The following TRIO variants were observed in gnomAD, a reference collection of about 807,000 sequenced individuals.
TRIO encodes the protein trio Rho guanine nucleotide exchange factor.
Under a neutral mutation model 351.9 loss-of-function variants are expected in TRIO, and 58 were observed. That is an observed-to-expected ratio of 0.16 (90% confidence interval 0.13 to 0.21). TRIO has a LOEUF of 0.21. Ranked by LOEUF, TRIO falls within the 10% of genes least tolerant of loss-of-function variation. The pLI, the probability that TRIO is intolerant of heterozygous loss-of-function variation, is 1.00. For synonymous variants in TRIO, 1,758 were observed against 1,595.7 expected (o/e 1.10, Z -2.42); for missense variants, 3,201 against 4,027.8 (o/e 0.79, Z 5.56).
intron 5 of TRIO, 61 bp from the exon 6 acceptor site, chr5:14,292,951 G>A (rs1561301181): frequency 2.5e-6 from 4 of 1,610,062 alleles, no homozygotes; most frequent in Non-Finnish European, 3.4e-6. Context: ...CCCATCTGTG[G>A]GCTTGTGTCA....
intron 1 of TRIO, among the ~76,000 whole-genome samples, chr5:14,157,443 C>A (rs932732078): frequency 1.3e-5 from 2 of 148,910 alleles, no homozygotes; most frequent in Non-Finnish European, 1.5e-5. Flanking sequence ...CCCTGTCTCC[C>A]TCTCTCTCCC....
intron 34 of TRIO, among the ~76,000 whole-genome samples, chr5:14,442,683 C>T (rs1054898099): frequency 1.1e-4 from 17 of 152,164 alleles, no homozygotes; most frequent in Non-Finnish European, 1.8e-4. Flanking sequence ...GTAGGTCCCT[C>T]GGGGACCCTG....
intron 1 of TRIO, among the ~76,000 whole-genome samples, chr5:14,194,331 T>C (rs949984320): frequency 5.3e-5 from 8 of 152,250 alleles, no homozygotes; most frequent in Admixed American, 5.2e-4. Flanking sequence ...GTAAAGTTTT[T>C]AAATGGAAAT....
intron 1 of TRIO, among the ~76,000 whole-genome samples, chr5:14,239,796 A>G (rs1794017554): frequency 6.6e-6 from 1 of 152,224 alleles, no homozygotes; most frequent in African/African-American, 2.4e-5. Flanking sequence ...TCAGCAATGA[A>G]GAATGGGTAG....
chr5:14,277,848 A>G (rs1735678933), intron 2 of TRIO, among the ~76,000 whole-genome samples: 1 of 152,218 alleles, frequency 6.6e-6, no homozygotes, highest in Non-Finnish European at 1.5e-5. Context: ...TTTTTTCTTC[A>G]TACCTCCCTG....
intron 1 of TRIO, among the ~76,000 whole-genome samples, chr5:14,148,085 T>C (rs1049360602): frequency 6.6e-6 from 1 of 152,202 alleles, no homozygotes; most frequent in Non-Finnish European, 1.5e-5. Flanking sequence ...AACCGACATA[T>C]TGATGTGGGA....
chr5:14,369,596 C>T (rs958898437), intron 18 of TRIO, 73 bp downstream of exon 18: 17 of 1,500,332 alleles, frequency 1.1e-5, no homozygotes, highest in South Asian at 2.7e-5. Context: ...GCACAGTCAT[C>T]GCTTCCCAAG....
intron 14 of TRIO, 63 bp downstream of exon 14, chr5:14,363,990 T>G: frequency 6.6e-7 from 1 of 1,525,422 alleles, no homozygotes; most frequent in Non-Finnish European, 8.9e-7. Context: ...GCAATTCGGC[T>G]TATTTCAGTG....
At chr5:14,450,867 T>G (rs1361053538) in intron 34 of TRIO, among the ~76,000 whole-genome samples, 1 of 152,122 alleles carries the variant, frequency 6.6e-6, no homozygotes, top group African/African-American at 2.4e-5. Context: ...CTAAATCTGG[T>G]GTTTCAACCC....
intron 34 of TRIO, among the ~76,000 whole-genome samples, chr5:14,428,852 T>A (rs1303031049): frequency 6.6e-6 from 1 of 151,980 alleles, no homozygotes; most frequent in East Asian, 1.9e-4. Context: ...GAGGAGCTCG[T>A]GGGAAAAATG....
intron 41 of TRIO, among the ~76,000 whole-genome samples, chr5:14,477,774 T>C (rs1755197196): frequency 1.3e-5 from 2 of 152,220 alleles, no homozygotes; most frequent in Admixed American, 1.3e-4. Flanking sequence ...CACTGGAAGA[T>C]ACCAGGTCAC....
chr5:14,438,677 G>C (rs1260202137), intron 34 of TRIO, among the ~76,000 whole-genome samples: 1 of 152,220 alleles, frequency 6.6e-6, no homozygotes, highest in Non-Finnish European at 1.5e-5. Context: ...AATAGGCCTT[G>C]GCGTCAAAAC....
chr5:14,499,572 G>A (rs919860825), intron 53 of TRIO, among the ~76,000 whole-genome samples: 10 of 152,286 alleles, frequency 6.6e-5, no homozygotes, highest in African/African-American at 2.4e-4. Context: ...TTAATTTCCT[G>A]TTTTTAACAA....
rs1337661806 is a variant in TRIO, at chr5:14,387,524, A to G, written c.3657A>G (p.Lys1219=). 1 of 1,614,254 alleles carries G rather than the reference A, an allele frequency of 6.2e-7. No homozygotes were observed. The highest frequency in any genetic ancestry group is 8.5e-7 in the Non-Finnish European group (1 of 1,180,032). The stretch of plus-strand genomic sequence containing the variant: ...ATGCCCATGCGGCAGAGATAAAAAA[A>G]TGTGTTACTGCTGTGGATAAGAGGT... The part of the protein sequence containing the change: ...KGHAHAAEIK[K]CVTAVDKRYR... The change falls in exon 22 of 57, where the codon AAA becomes AAG. Residue 1219 remains lysine (K), a synonymous_variant. Transcript: ENST00000344204.
At position 14,462,651 on chromosome 5, in the gene TRIO, C is replaced by T. The variant is rs1285570356; in HGVS notation, c.5497-104C>T. The T allele has an allele frequency of 2.1e-6, 3 of 1,462,974 alleles. No individual in the cohort carries two copies. In the East Asian group the frequency reaches 7.1e-5, roughly 35 times the overall value. The allele number at this position is 1,462,974 out of a possible 1,614,324, so 90.6% of individuals were successfully genotyped here. On this transcript the variant is annotated intron_variant, in intron 35 of 56. Coordinates refer to ENST00000344204, the MANE Select transcript of TRIO (RefSeq NM_007118.4). ...TCGAGAATAGCTTTGTTCCTGATTT[C>T]TGCCATCCCAGTCTCTGTCCCCACC...
Position 14,481,601 on chromosome 5 carries a change from C to T in TRIO, c.6448C>T (p.Arg2150Trp), listed in dbSNP as rs1264087949. The change falls in exon 45 of 57, where the codon CGG becomes TGG. Residue 2150 changes from arginine to tryptophan, a missense_variant. Coordinates refer to ENST00000344204, the MANE Select transcript of TRIO (RefSeq NM_007118.4). ...RRCNDMMNVGRLQGFDGKIVA... is the reference protein window; with the variant it reads ...RRCNDMMNVGWLQGFDGKIVA... ...GTGCAACGACATGATGAACGTGGGG[C>T]GGCTGCAAGGATTCGACGTAATGCG... 5.6e-6 allele frequency: 9 copies of T among 1,613,916 alleles called. No homozygotes were observed. The highest frequency in any genetic ancestry group is 5.0e-5 in the Admixed American group (3 of 59,982).
chr5:14,238,177 A>G (rs1793894060), intron 1 of TRIO, among the ~76,000 whole-genome samples: 1 of 152,224 alleles, frequency 6.6e-6, no homozygotes, highest in Non-Finnish European at 1.5e-5. Flanking sequence ...TAGGAATAAA[A>G]GTTAGAAAAA....
intron 33 of TRIO, among the ~76,000 whole-genome samples, chr5:14,409,635 C>G (rs570332149): frequency 2.0e-5 from 3 of 151,980 alleles, no homozygotes; most frequent in Non-Finnish European, 4.4e-5. Flanking sequence ...GAGATCGAGA[C>G]CATCCTGGCT....
intron 11 of TRIO, among the ~76,000 whole-genome samples, chr5:14,342,543 G>T (rs1215345535): frequency 6.6e-6 from 1 of 152,150 alleles, no homozygotes; most frequent in African/African-American, 2.4e-5. Context: ...TACTCTACAT[G>T]GAAATGACTC....
Sources: gnomAD v4.1 joint callset for allele counts (sites outside exome capture counted in the v4.1 genomes callset) on GRCh38, gnomAD v4.1.1 for gene constraint, MANE v1.5 for transcripts, NCBI Gene and HGNC (gene_info 2026-07-23, HGNC 2026-07-21) for gene names.